AGBL4: variants seen among roughly 807,000 people sequenced by gnomAD.
AGBL4 encodes cytosolic carboxypeptidase 6.
In AGBL4, 58 loss-of-function variants were observed where a neutral mutation model predicts 66.4. The ratio of observed to expected loss-of-function variants is 0.87; its 90% confidence interval spans 0.71 to 1.09. The LOEUF (loss-of-function observed/expected upper bound fraction) is 1.09. AGBL4 is among the 50% of genes least tolerant of loss of function. AGBL4 has a pLI of 0.00. For synonymous variants in AGBL4, 234 were observed against 222.9 expected, an observed-to-expected ratio of 1.05 and a Z score of -0.44; for missense variants, 579 against 631.0, an observed-to-expected ratio of 0.92 and a Z score of 0.88.
At chr1:49,417,378 C>T (rs1458466863) in intron 3 of AGBL4, among the ~76,000 whole-genome samples, 1 of 152,106 alleles carries the variant, frequency 6.6e-6, no homozygotes, top group Admixed American at 6.5e-5. Context: ...GCTGTGGAGT[C>T]CTTTTGCTGT....
chr1:48,875,656 C>T (rs10158795), intron 5 of AGBL4, among the ~76,000 whole-genome samples: 13 of 151,892 alleles, frequency 8.6e-5, no homozygotes, highest in African/African-American at 3.1e-4. Context: ...CTCTGGCGGC[C>T]GGCACAAAAG....
chr1:49,949,958 C>T (rs1247891317), intron 1 of AGBL4, among the ~76,000 whole-genome samples: 3 of 140,650 alleles, frequency 2.1e-5, no homozygotes, highest in Admixed American at 1.4e-4. Flanking sequence ...AACCCAAATG[C>T]CATATATATA....
chr1:49,667,445 G>T (rs934897183), intron 3 of AGBL4, among the ~76,000 whole-genome samples: 1 of 151,922 alleles, frequency 6.6e-6, no homozygotes, highest in Non-Finnish European at 1.5e-5. Context: ...CCAACAAAAT[G>T]AGACCCTGTC....
At position 48,992,504 on chromosome 1, in the gene AGBL4, G is replaced by C. The variant is rs76591211; in HGVS notation, c.594+53080C>G. On this transcript the variant is annotated intron_variant, in intron 5 of 13. Coordinates refer to ENST00000371839, the MANE Select transcript of AGBL4 (RefSeq NM_032785.4). ...CCTGGCTAGTGCCTATGTTTGCTGA[G>C]GGCCCTAGAACTCTACAATCAGCAG... Among the ~76,000 whole-genome samples, 477 of 151,980 alleles carry C rather than the reference G, an allele frequency of 3.1e-3. 30 individuals are homozygous for C. In the East Asian group the frequency reaches 0.077, roughly 25 times the overall value.
chr1:48,921,214 A>C (rs1468230185), intron 5 of AGBL4, among the ~76,000 whole-genome samples: 2 of 152,132 alleles, frequency 1.3e-5, no homozygotes, highest in Non-Finnish European at 2.9e-5. Flanking sequence ...AAATATTGAA[A>C]TAGTGGTCCT....
chr1:49,124,264 C>A (rs1645720937), intron 4 of AGBL4, among the ~76,000 whole-genome samples: 1 of 152,134 alleles, frequency 6.6e-6, no homozygotes, highest in South Asian at 2.1e-4. Flanking sequence ...TGCCTCCAAT[C>A]CTGGTTTGCA....
chr1:49,606,099 G>A (rs1016941854), intron 3 of AGBL4, among the ~76,000 whole-genome samples: 8 of 151,270 alleles, frequency 5.3e-5, no homozygotes, highest in African/African-American at 1.7e-4. Flanking sequence ...TAAATAGTTC[G>A]CCTTCTGAAT....
At chr1:49,477,484 A>G (rs1413935021) in intron 3 of AGBL4, among the ~76,000 whole-genome samples, 1 of 152,142 alleles carries the variant, frequency 6.6e-6, no homozygotes, top group Non-Finnish European at 1.5e-5. Context: ...TGGTACCTCC[A>G]TGAGGCTACA....
chr1:49,304,446 A>G (rs1644813195), intron 3 of AGBL4, among the ~76,000 whole-genome samples: 1 of 152,208 alleles, frequency 6.6e-6, no homozygotes, highest in African/African-American at 2.4e-5. Context: ...CTGGACTACA[A>G]TATGAGCTAT....
intron 3 of AGBL4, among the ~76,000 whole-genome samples, chr1:49,539,583 T>A (rs1651850976): frequency 6.6e-6 from 1 of 152,224 alleles, no homozygotes; most frequent in African/African-American, 2.4e-5. Context: ...CCTTGAACTC[T>A]TCCTACTGGA....
chr1:49,964,030 G>A (rs894514716), intron 1 of AGBL4, among the ~76,000 whole-genome samples: 3 of 151,960 alleles, frequency 2.0e-5, no homozygotes, highest in African/African-American at 7.2e-5. Flanking sequence ...TAAAGAAAAG[G>A]CTAACTTCAA....
chr1:49,067,253 A>G (rs533926106), intron 4 of AGBL4, among the ~76,000 whole-genome samples: 1 of 152,216 alleles, frequency 6.6e-6, no homozygotes, highest in Non-Finnish European at 1.5e-5. Flanking sequence ...AGAGAAAAGC[A>G]TGGGAAGATG....
intron 5 of AGBL4, among the ~76,000 whole-genome samples, chr1:49,031,113 A>AGCCTGG: frequency 6.6e-6 from 1 of 152,230 alleles, no homozygotes; most frequent in Middle Eastern, 3.4e-3. Flanking sequence ...CTTTTGAAAC[A>AGCCTGG]GTTTCACTTT....
chr1:48,786,230 G>C lies in AGBL4; in HGVS notation c.634+80961C>G, dbSNP rs113316411. 7.7e-3 allele frequency among the ~76,000 whole-genome samples: 1,177 copies of C among 152,250 alleles called. 17 individuals are homozygous for C. The highest frequency in any genetic ancestry group is 0.022 in the African/African-American group (916 of 41,538). On this transcript the variant is annotated intron_variant, in intron 6 of 13. Coordinates refer to ENST00000371839, the MANE Select transcript of AGBL4 (RefSeq NM_032785.4). ...ATTATTGATTTCCATGATAGGAACT[G>C]TACTAACTGCTTTACATATTTAGTT...
chr1:49,904,759 T>C (rs1187746767), intron 1 of AGBL4, among the ~76,000 whole-genome samples: 1 of 152,222 alleles, frequency 6.6e-6, no homozygotes, highest in Non-Finnish European at 1.5e-5. Context: ...TCAGCCTACT[T>C]TGTACTGTGA....
At chr1:48,633,059 G>A (rs1406358516) in intron 9 of AGBL4, among the ~76,000 whole-genome samples, 4 of 152,160 alleles carry the variant, frequency 2.6e-5, no homozygotes, top group Non-Finnish European at 5.9e-5. Flanking sequence ...TTCTTTTATA[G>A]ACAAAGAAGG....
chr1:49,975,723 A>G (rs908296053), intron 1 of AGBL4, among the ~76,000 whole-genome samples: 1 of 152,166 alleles, frequency 6.6e-6, no homozygotes, highest in African/African-American at 2.4e-5. Context: ...CTAAACCTGT[A>G]AAACAAAGAT....
chr1:49,294,993 TA>T (rs1644612293), intron 3 of AGBL4, among the ~76,000 whole-genome samples: 1 of 152,218 alleles, frequency 6.6e-6, no homozygotes, highest in South Asian at 2.1e-4. Flanking sequence ...GCTCCAGTTG[TA>T]ATGATTGCTA....
chr1:49,123,774 G>T (rs1470209861), intron 4 of AGBL4, among the ~76,000 whole-genome samples: 1 of 152,112 alleles, frequency 6.6e-6, no homozygotes, highest in African/African-American at 2.4e-5. Flanking sequence ...GTTTTGTAAT[G>T]GATTGTATGA....
Sources: allele counts gnomAD v4.1 joint callset (sites outside exome capture counted in the v4.1 genomes callset), GRCh38; gene constraint gnomAD v4.1.1; transcripts MANE v1.5; gene names NCBI Gene and HGNC (gene_info 2026-07-23, HGNC 2026-07-21).